MTUS2: variants seen among roughly 807,000 people sequenced by gnomAD.
The protein encoded by MTUS2 is microtubule-associated tumor suppressor candidate 2.
Under a neutral mutation model 114.1 loss-of-function variants are expected in MTUS2, and 40 were observed. The observed-to-expected ratio is 0.35, with a 90% CI of 0.27 to 0.46. MTUS2 has a LOEUF of 0.46. Among genes scored for constraint, MTUS2 ranks in the 20% least tolerant of loss-of-function variants. The probability of loss-of-function intolerance (pLI) is 1.00; values close to 1 mark genes in which losing one functional copy is unlikely to be tolerated. For synonymous variants in MTUS2, 688 were observed against 672.0 expected (o/e 1.02, Z -0.37); for missense variants, 1,679 against 1,705.4 (o/e 0.98, Z 0.27).
intron 4 of MTUS2, among the ~76,000 whole-genome samples, chr13:29,077,636 G>C (rs1889253397): frequency 2.6e-5 from 4 of 152,194 alleles, no homozygotes; most frequent in Admixed American, 2.6e-4. Context: ...CAGTGCTCCA[G>C]CAGATTGTCA....
chr13:28,825,974 C>T (rs906439488), intron 1 of MTUS2, among the ~76,000 whole-genome samples: 5 of 152,148 alleles, frequency 3.3e-5, no homozygotes, highest in Non-Finnish European at 7.4e-5. Flanking sequence ...GCTTCTCTCA[C>T]GTGCCCTATT....
Position 29,024,546 on chromosome 13 carries a change from G to A in MTUS2, c.-153G>A, listed in dbSNP as rs1175358776. On this transcript the variant is annotated 5_prime_UTR_variant, in exon 3 of 16. Transcript: ENST00000612955. Reference sequence around the variant, plus strand: ...CAAGACAATGCTTGGTTTTCAAGCTGTTCTGAGAATGATTAAAGCAGTGTC... The same window carrying A: ...CAAGACAATGCTTGGTTTTCAAGCTATTCTGAGAATGATTAAAGCAGTGTC... The A allele has an allele frequency of 5.5e-6, 5 of 901,016 alleles. No individual in the cohort carries two copies. Among genetic ancestry groups the A allele is most frequent in the Non-Finnish European group, 8.4e-6 (5 of 593,644 alleles). 55.8% of individuals were successfully genotyped at this position (901,016 alleles called of 1,614,324 possible). A position where few individuals can be genotyped will look rare whatever the true frequency, so the allele number is the denominator to read the frequency against.
intron 5 of MTUS2, among the ~76,000 whole-genome samples, chr13:29,276,225 A>G (rs372343589): frequency 6.6e-6 from 1 of 152,304 alleles, no homozygotes; most frequent in South Asian, 2.1e-4. Flanking sequence ...CTGAAAGAGC[A>G]TTTTGTCCTA....
chr13:29,124,290 A>G (rs1891426817), intron 5 of MTUS2, among the ~76,000 whole-genome samples: 1 of 152,236 alleles, frequency 6.6e-6, no homozygotes, highest in Admixed American at 6.5e-5. Flanking sequence ...GTAAATCATT[A>G]CAATATAGTG....
At chr13:29,103,755 G>A (rs191679916) in intron 5 of MTUS2, among the ~76,000 whole-genome samples, 11 of 152,312 alleles carry the variant, frequency 7.2e-5, no homozygotes, top group Non-Finnish European at 1.2e-4. Flanking sequence ...CAGGACCACT[G>A]TCCTATATGT....
In MTUS2 at chr13:29,281,448, T is replaced by C. The variant is rs186510598; in HGVS notation, c.2645-256T>C. Among the ~76,000 whole-genome samples, 12 of 151,470 alleles carry C rather than the reference T, an allele frequency of 7.9e-5. No homozygotes were observed. The East Asian group carries it at 1.4e-3, about 17-fold the overall frequency. ...GTGTGTGTGTGTGTGTGTGTGTGTGTGCATGCAGGCTGCTCCTGGCTTTTG... is the reference window on the plus strand; with the variant it reads ...GTGTGTGTGTGTGTGTGTGTGTGTGCGCATGCAGGCTGCTCCTGGCTTTTG... On this transcript the variant is annotated intron_variant, in intron 5 of 15. Coordinates refer to ENST00000612955, the MANE Select transcript of MTUS2 (RefSeq NM_001033602.4).
At chr13:29,033,530 T>C (rs576529979) in intron 3 of MTUS2, among the ~76,000 whole-genome samples, 2 of 152,276 alleles carry the variant, frequency 1.3e-5, no homozygotes, top group African/African-American at 4.8e-5. Context: ...CATAATTTTA[T>C]GAACATTTGC....
In MTUS2 at chr13:28,841,244, A is replaced by G. The variant is rs183139855; in HGVS notation, c.-243+1394A>G. 2.0e-5 allele frequency among the ~76,000 whole-genome samples: 3 copies of G among 152,366 alleles called. No homozygotes were observed. In the East Asian group the frequency reaches 5.8e-4, roughly 29 times the overall value. On this transcript the variant is annotated intron_variant, in intron 2 of 15. Transcript: ENST00000612955. ...AGATATTGGTTGACAAATGCAGGCT[A>G]AATGGGATGTGGCAATACTTTGGGG... is the stretch of plus-strand genomic sequence containing the variant.
At chr13:29,322,854 A>G (rs1473234466) in intron 6 of MTUS2, among the ~76,000 whole-genome samples, 1 of 152,222 alleles carries the variant, frequency 6.6e-6, no homozygotes, top group East Asian at 1.9e-4. Context: ...CAGTGACAGC[A>G]GTATGGCTGT....
chr13:29,025,640 T>C lies in MTUS2; in HGVS notation c.942T>C (p.Tyr314=), dbSNP rs766798315. Reference sequence around the variant, plus strand: ...GAGAGGCCAAGCTGGATCTGAAATATGTTCCTCCCAGGAGAGTTGAACAGG... The same window carrying C: ...GAGAGGCCAAGCTGGATCTGAAATACGTTCCTCCCAGGAGAGTTGAACAGG... ...GKGEAKLDLK[Y]VPPRRVEQEG... is the part of the protein sequence containing the mutation. The change falls in exon 3 of 16, where the codon TAT becomes TAC. Residue 314 remains tyrosine, a synonymous_variant. Coordinates refer to ENST00000612955, the MANE Select transcript of MTUS2 (RefSeq NM_001033602.4). The C allele has an allele frequency of 7.4e-6, 12 of 1,613,916 alleles. No individual in the cohort carries two copies. Among genetic ancestry groups the C allele is most frequent in the South Asian group, 5.5e-5 (5 of 91,092 alleles).
At chr13:28,936,717 G>C (rs1257604077) in intron 2 of MTUS2, among the ~76,000 whole-genome samples, 1 of 152,130 alleles carries the variant, frequency 6.6e-6, no homozygotes, top group Non-Finnish European at 1.5e-5. Flanking sequence ...TGTCCCCTGA[G>C]GCTTTGAAAC....
At chr13:28,888,636 G>C (rs1169350874) in intron 2 of MTUS2, among the ~76,000 whole-genome samples, 1 of 151,946 alleles carries the variant, frequency 6.6e-6, no homozygotes, top group Non-Finnish European at 1.5e-5. Flanking sequence ...TGGTCAGGCT[G>C]GTCTCGAACT....
At chr13:28,890,976 C>T (rs539912456) in intron 2 of MTUS2, among the ~76,000 whole-genome samples, 16 of 152,272 alleles carry the variant, frequency 1.1e-4, no homozygotes, top group African/African-American at 3.9e-4. Context: ...CCATTACAGC[C>T]CTTTGCATAA....
At chr13:28,992,486 G>A (rs892564473) in intron 2 of MTUS2, among the ~76,000 whole-genome samples, 9 of 152,118 alleles carry the variant, frequency 5.9e-5, no homozygotes, top group African/African-American at 1.7e-4. Flanking sequence ...TTTGACGGCT[G>A]CACATGGACT....
At chr13:29,078,903 T>C (rs1017899911) in intron 4 of MTUS2, among the ~76,000 whole-genome samples, 6 of 152,256 alleles carry the variant, frequency 3.9e-5, no homozygotes, top group Non-Finnish European at 7.3e-5. Flanking sequence ...GTGCAAGTTT[T>C]ATGTAAACAT....
chr13:28,831,195 CTATT>C (rs973076412), intron 1 of MTUS2, among the ~76,000 whole-genome samples: 8 of 151,994 alleles, frequency 5.3e-5, no homozygotes, highest in Admixed American at 3.9e-4. Context: ...TGAAAAATAT[CTATT>C]TAACACAAAA....
At chr13:29,500,246 A>AGCG (rs1243776680) in intron 14 of MTUS2, among the ~76,000 whole-genome samples, 2 of 152,324 alleles carry the variant, frequency 1.3e-5, no homozygotes, top group East Asian at 3.9e-4. Flanking sequence ...GGGCTGGGTG[A>AGCG]GGTGTCTTGC....
intron 4 of MTUS2, among the ~76,000 whole-genome samples, chr13:29,051,150 G>GA (rs1887878053): frequency 6.6e-6 from 1 of 152,202 alleles, no homozygotes; most frequent in Admixed American, 6.5e-5. Context: ...GTTTACAGAT[G>GA]AGAGTTACTG....
At chr13:28,829,336 G>A (rs972907070) in intron 1 of MTUS2, among the ~76,000 whole-genome samples, 2 of 151,948 alleles carry the variant, frequency 1.3e-5, no homozygotes, top group African/African-American at 2.4e-5. Context: ...GACCAGCCTG[G>A]CCAACAAGGT....
Sources: gnomAD v4.1 joint callset for allele counts (sites outside exome capture counted in the v4.1 genomes callset) on GRCh38, gnomAD v4.1.1 for gene constraint, MANE v1.5 for transcripts, NCBI Gene and HGNC (gene_info 2026-07-23, HGNC 2026-07-21) for gene names.